Variants in RUVBL1 observed in about 807,000 individuals in gnomAD.
The protein encoded by RUVBL1 is ruvB-like 1.
A neutral mutation model predicts 52.4 loss-of-function variants in RUVBL1; 4 were observed. The ratio of observed to expected loss-of-function variants is 0.08; its 90% CI spans 0.04 to 0.17. The LOEUF is 0.17. RUVBL1 is among the 10% of genes least tolerant of loss of function. RUVBL1 has a pLI of 1.00. For synonymous variants in RUVBL1, 217 were observed against 214.4 expected, an observed-to-expected ratio of 1.01 and a Z score of -0.10; for missense variants, 298 against 572.8, an observed-to-expected ratio of 0.52 and a Z score of 4.90.
At chr3:128,102,168 T>C (rs1160808690) in intron 4 of RUVBL1, among the ~76,000 whole-genome samples, 1 of 152,274 alleles carries the variant, frequency 6.6e-6, no homozygotes, top group Non-Finnish European at 1.5e-5. Flanking sequence ...AGCTGGCATC[T>C]TGCAGGGCCT....
Position 128,106,227 on chromosome 3 carries a change from C to T in RUVBL1, c.362-1303G>A, listed in dbSNP as rs562625246. ...ATAACAACAAAACCAATTTCCAAAGCACCTTACATTAGAATATTGCAAATA... is the reference window on the plus strand; with the variant it reads ...ATAACAACAAAACCAATTTCCAAAGTACCTTACATTAGAATATTGCAAATA... On this transcript the variant is annotated intron_variant, in intron 3 of 10. Transcript: ENST00000322623. Among the ~76,000 whole-genome samples, 3 of 152,300 alleles carry T rather than the reference C, an allele frequency of 2.0e-5. No homozygotes were observed. The South Asian group carries it at 6.2e-4, about 32-fold the overall frequency.
At chr3:128,066,792 G>A (rs756580474) in intron 9 of RUVBL1, 23 of 641,194 alleles carry the variant, frequency 3.6e-5, no homozygotes, top group Admixed American at 5.7e-5. Flanking sequence ...GTGCAGTGGT[G>A]GGTAAGGAGT....
intron 3 of RUVBL1, 106 bp from the exon 4 acceptor site, chr3:128,105,030 T>C: frequency 7.9e-7 from 1 of 1,262,498 alleles, no homozygotes; most frequent in South Asian, 1.6e-5. Context: ...ACCTTAATAA[T>C]GTACATTCCA....
At chr3:128,066,413 G>A (rs765881373) in intron 9 of RUVBL1, among the ~76,000 whole-genome samples, 9 of 151,410 alleles carry the variant, frequency 5.9e-5, no homozygotes, top group Non-Finnish European at 1.0e-4. Flanking sequence ...TCATTCCACC[G>A]TGCTTGCTTC....
chr3:128,141,984 T>C (rs769376665), intron 1 of RUVBL1: 1 of 152,256 alleles, frequency 6.6e-6, no homozygotes, highest in Non-Finnish European at 1.5e-5. Flanking sequence ...GCACTTGCCA[T>C]ATTTTTTAAA....
At chr3:128,129,272 C>A (rs1943840655) in intron 1 of RUVBL1, among the ~76,000 whole-genome samples, 1 of 152,166 alleles carries the variant, frequency 6.6e-6, no homozygotes, top group African/African-American at 2.4e-5. Flanking sequence ...GGAAAAATCA[C>A]AAATATGTGG....
Position 128,067,224 on chromosome 3 carries a change from G to A in RUVBL1, c.940-2004C>T. 7.1e-7 allele frequency: 1 copy of A among 1,417,898 alleles called. No homozygotes were observed. Among genetic ancestry groups the A allele is most frequent in the Non-Finnish European group, 9.9e-7 (1 of 1,008,382 alleles). 87.8% of individuals were successfully genotyped at this position (1,417,898 alleles called of 1,614,324 possible). A position where few individuals can be genotyped will look rare whatever the true frequency, so the allele number is the denominator to read the frequency against. ...TGGTTTCTATCAGTGTCTTGCTCAT[G>A]AACAGATATTTCATCCAAAGATATT... is the stretch of plus-strand genomic sequence containing the variant. On this transcript the variant is annotated intron_variant, in intron 9 of 9. Coordinates refer to the RUVBL1 transcript ENST00000464873. This position sits in a 1 kb window ranked among gnomAD's most constrained non-coding sequence, Gnocchi z 4.1.
rs771317811 is a variant in RUVBL1 at position 128,146,281 on chromosome 3, T to C, written c.-40+6922A>G. ...AGGAAGGTAGCATGGTGTGTGTATG[T>C]GTGTGTATGTGTGTCTCTGTGCATG... On this transcript the variant is annotated intron_variant, in intron 1 of 9. Coordinates refer to the RUVBL1 transcript ENST00000464873. Among the ~76,000 whole-genome samples, 64 of 152,108 alleles carry C rather than the reference T, an allele frequency of 4.2e-4. 1 individual carries two copies. The highest frequency in any genetic ancestry group is 4.6e-4 in the Admixed American group (7 of 15,272).
chr3:128,075,847 G>A (rs1176331350), downstream of RUVBL1: 2 of 152,414 alleles, frequency 1.3e-5, no homozygotes, highest in East Asian at 1.9e-4. Context: ...AGAGTGGCTG[G>A]TCCTGCCTCC....
intron 6 of RUVBL1, 138 bp from the exon 7 acceptor site, chr3:128,099,083 AAC>A: frequency 2.9e-6 from 2 of 680,684 alleles, no homozygotes; most frequent in Middle Eastern, 2.5e-4. Context: ...GGAGCTTCTA[AAC>A]ACAGAGGAAT....
upstream of RUVBL1, among the ~76,000 whole-genome samples, chr3:128,127,858 A>T (rs78029632): frequency 2.0e-5 from 3 of 152,150 alleles, no homozygotes; most frequent in African/African-American, 7.2e-5. Flanking sequence ...TTAGCCAGGC[A>T]TGGCAGCACA....
chr3:128,069,352 T>A, intron 9 of RUVBL1: 1 of 913,742 alleles, frequency 1.1e-6, no homozygotes, highest in South Asian at 1.6e-5. Context: ...GTAGATGACT[T>A]TCTAGGAGAC....
rs1479872349 is a variant in RUVBL1, at chr3:128,106,389, C to T, written c.362-1465G>A. Among the ~76,000 whole-genome samples the T allele has an allele frequency of 3.9e-5, 6 of 152,204 alleles. No homozygotes were observed. In the East Asian group the frequency reaches 5.8e-4, roughly 15 times the overall value. On this transcript the variant is annotated intron_variant, in intron 3 of 10. Coordinates refer to ENST00000322623, the MANE Select transcript of RUVBL1 (RefSeq NM_003707.3). The stretch of plus-strand genomic sequence containing the variant: ...GTTCATTACATGCTTTTGCATATAA[C>T]GGTTCTGCTTCCTGAACCACTCTTT...
chr3:128,092,620 G>A (rs921486165), intron 8 of RUVBL1, among the ~76,000 whole-genome samples: 5 of 152,038 alleles, frequency 3.3e-5, no homozygotes, highest in Non-Finnish European at 7.4e-5. Flanking sequence ...ATCCTTAGTC[G>A]TTAAGGCAAT....
At position 128,123,743 on chromosome 3, in the gene RUVBL1, T is replaced by TA. The variant is rs1943716326; in HGVS notation, c.-20dup. On this transcript the variant is annotated 5_prime_UTR_variant, in exon 1 of 11. Coordinates refer to ENST00000322623, the MANE Select transcript of RUVBL1 (RefSeq NM_003707.3). ...TCTTCATTTTGCAGACGCCGGGAGC[T>TA]AAAACCAGCGTGGAAAACCAGCAGC... The TA allele has an allele frequency of 6.3e-7, 1 of 1,587,616 alleles. No individual in the cohort carries two copies. The highest frequency in any genetic ancestry group is 1.7e-5 in the Admixed American group (1 of 59,374).
chr3:128,090,383 G>A (rs1272882942), intron 8 of RUVBL1, among the ~76,000 whole-genome samples: 2 of 152,192 alleles, frequency 1.3e-5, no homozygotes, highest in African/African-American at 2.4e-5. Context: ...GCCGGGCGTG[G>A]TGGCGGGCGC....
intron 1 of RUVBL1, among the ~76,000 whole-genome samples, chr3:128,138,843 T>TAAAAAC (rs1177975887): frequency 2.6e-5 from 4 of 151,836 alleles, no homozygotes; most frequent in Non-Finnish European, 5.9e-5. Context: ...GTTCTGGCAT[T>TAAAAAC]AAAAACAAAA....
At chr3:128,069,492 G>A in intron 9 of RUVBL1, 3 of 1,612,100 alleles carry the variant, frequency 1.9e-6, no homozygotes, top group Non-Finnish European at 2.5e-6. Flanking sequence ...CCCCACAGCC[G>A]CGGCCTTTGG....
chr3:128,137,557 C>T (rs6797834), intron 1 of RUVBL1, among the ~76,000 whole-genome samples: 21,078 of 152,112 alleles, frequency 0.14, 1,650 homozygotes, highest in African/African-American at 0.2. Flanking sequence ...AAAAGTCTCC[C>T]AGCAAAGAAA....
Sources: gnomAD v4.1 joint callset for allele counts (sites outside exome capture counted in the v4.1 genomes callset) on GRCh38, gnomAD v4.1.1 for gene constraint, Gnocchi (gnomAD v3.1) non-coding constraint, MANE v1.5 for transcripts, NCBI Gene and HGNC (gene_info 2026-07-23, HGNC 2026-07-21) for gene names.